Variants in MACROD2 observed in about 807,000 individuals in gnomAD.
The protein encoded by MACROD2 is ADP-ribose glycohydrolase MACROD2.
Under a neutral mutation model 70.4 loss-of-function variants are expected in MACROD2, and 36 were observed. The ratio of observed to expected loss-of-function variants is 0.51; its 90% confidence interval spans 0.39 to 0.68. The LOEUF (loss-of-function observed/expected upper bound fraction) is 0.68, where lower values mean the gene tolerates loss of function less well. MACROD2 is among the 30% of genes least tolerant of loss of function. The pLI, the probability that MACROD2 is intolerant of heterozygous loss-of-function variation, is 0.00. For synonymous variants in MACROD2, 172 were observed against 178.8 expected, an observed-to-expected ratio of 0.96 and a Z score of 0.30; for missense variants, 496 against 538.4, an observed-to-expected ratio of 0.92 and a Z score of 0.78.
intron 5 of MACROD2, among the ~76,000 whole-genome samples, chr20:15,200,821 T>A (rs1450505061): frequency 6.6e-6 from 1 of 152,230 alleles, no homozygotes; most frequent in Non-Finnish European, 1.5e-5. Context: ...CAGATTCTGA[T>A]TCAGTGGGCC....
rs191283226 is a variant in MACROD2 at position 14,348,382 on chromosome 20, C to G, written c.272-145097C>G. On this transcript the variant is annotated intron_variant, in intron 3 of 17. Coordinates refer to ENST00000684519, the MANE Select transcript of MACROD2 (RefSeq NM_001351661.2). ...ATTAAGGGTTCATGGTAATTTGTAT[C>G]AGAATGTACATGAAAGAAAATATCA... Among the ~76,000 whole-genome samples the G allele has an allele frequency of 6.6e-5, 10 of 151,966 alleles. No homozygotes were observed. In the East Asian group the frequency reaches 1.4e-3, roughly 21 times the overall value.
intron 5 of MACROD2, among the ~76,000 whole-genome samples, chr20:15,182,677 G>A (rs1329577432): frequency 1.3e-5 from 2 of 152,166 alleles, no homozygotes; most frequent in African/African-American, 4.8e-5. Flanking sequence ...GAGACTTCCT[G>A]ATTTGCCGTG....
intron 5 of MACROD2, among the ~76,000 whole-genome samples, chr20:15,097,039 T>G (rs367590919): frequency 1.5e-4 from 23 of 152,128 alleles, no homozygotes; most frequent in African/African-American, 5.1e-4. Context: ...CTCGAACTCC[T>G]GACCTCAGGT....
intron 2 of MACROD2, among the ~76,000 whole-genome samples, chr20:14,076,323 C>G (rs1275080416): frequency 6.6e-6 from 1 of 151,976 alleles, no homozygotes; most frequent in Non-Finnish European, 1.5e-5. Context: ...TCCAAAAACT[C>G]CCAGAAATGT....
intron 8 of MACROD2, among the ~76,000 whole-genome samples, chr20:15,667,352 G>A (rs2049913495): frequency 6.6e-6 from 1 of 152,138 alleles, no homozygotes; most frequent in African/African-American, 2.4e-5. Context: ...TGATGTCGCT[G>A]CTAGGCTTCC....
chr20:15,003,924 G>A (rs1307600473), intron 5 of MACROD2, among the ~76,000 whole-genome samples: 1 of 151,996 alleles, frequency 6.6e-6, no homozygotes, highest in Non-Finnish European at 1.5e-5. Flanking sequence ...TCTGACACCT[G>A]TGGTTCCATC....
chr20:15,071,663 A>G (rs994159610), intron 5 of MACROD2, among the ~76,000 whole-genome samples: 2 of 152,192 alleles, frequency 1.3e-5, no homozygotes, highest in African/African-American at 4.8e-5. Context: ...AAACAAGTCT[A>G]TGTTTTTAGA....
chr20:14,247,427 G>A (rs986002648), intron 3 of MACROD2, among the ~76,000 whole-genome samples: 8 of 152,156 alleles, frequency 5.3e-5, no homozygotes, highest in South Asian at 2.1e-4. Context: ...ATATGGCTAC[G>A]TAAGAATTAG....
intron 4 of MACROD2, chr20:14,636,581 C>T (rs1351375276): frequency 6.6e-6 from 1 of 152,162 alleles, no homozygotes. Context: ...GGAAATGATG[C>T]ACAGGGATTT....
intron 6 of MACROD2, among the ~76,000 whole-genome samples, chr20:15,384,630 A>C (rs920075978): frequency 1.3e-5 from 2 of 152,154 alleles, no homozygotes; most frequent in Non-Finnish European, 2.9e-5. Flanking sequence ...AGCTCCTACT[A>C]TATGCCGGGT....
chr20:15,035,738 G>C (rs76976758), intron 5 of MACROD2, among the ~76,000 whole-genome samples: 1,544 of 152,264 alleles, frequency 0.01, 26 homozygotes, highest in African/African-American at 0.035. Context: ...CGGACAACAG[G>C]ATCTTTAACT....
At chr20:15,452,304 C>G (rs1282717269) in intron 7 of MACROD2, among the ~76,000 whole-genome samples, 1 of 152,108 alleles carries the variant, frequency 6.6e-6, no homozygotes. Context: ...AAGTGTGTCA[C>G]AGCCTATAGC....
intron 2 of MACROD2, among the ~76,000 whole-genome samples, chr20:14,034,268 C>T (rs570942527): frequency 1.8e-4 from 27 of 152,356 alleles, no homozygotes; most frequent in Non-Finnish European, 4.0e-4. Context: ...GCCACCGCGT[C>T]CAGCCCCTAC....
At chr20:14,469,283 C>A (rs1033417827) in intron 3 of MACROD2, among the ~76,000 whole-genome samples, 2 of 152,180 alleles carry the variant, frequency 1.3e-5, no homozygotes, top group African/African-American at 4.8e-5. Context: ...TGTAGGGTTT[C>A]TGCAGAGAGA....
At chr20:15,091,373 A>T (rs976757854) in intron 5 of MACROD2, among the ~76,000 whole-genome samples, 15 of 152,174 alleles carry the variant, frequency 9.9e-5, no homozygotes, top group African/African-American at 3.6e-4. Context: ...ATGAAAAATA[A>T]AAGTTTTTAT....
chr20:14,564,736 G>A (rs1025864697), intron 4 of MACROD2, among the ~76,000 whole-genome samples: 14 of 151,944 alleles, frequency 9.2e-5, no homozygotes, highest in African/African-American at 1.9e-4. Flanking sequence ...ATACACTGTC[G>A]GTGGGAAGGT....
chr20:15,264,922 C>T (rs1176704198), intron 6 of MACROD2, among the ~76,000 whole-genome samples: 4 of 152,062 alleles, frequency 2.6e-5, no homozygotes, highest in African/African-American at 4.8e-5. Context: ...GTCAGAGAGA[C>T]CTTAGATCTG....
intron 5 of MACROD2, among the ~76,000 whole-genome samples, chr20:14,877,843 A>T (rs1383448910): frequency 6.6e-6 from 1 of 152,174 alleles, no homozygotes; most frequent in South Asian, 2.1e-4. Context: ...ATGGTGAATT[A>T]ACTTTTCTGT....
chr20:14,558,204 A>G (rs559098289), intron 4 of MACROD2, among the ~76,000 whole-genome samples: 1 of 151,924 alleles, frequency 6.6e-6, no homozygotes, highest in South Asian at 2.1e-4. Context: ...GTTGGGGGAA[A>G]TAGGGAGTGA....
Sources: allele counts gnomAD v4.1 joint callset (sites outside exome capture counted in the v4.1 genomes callset), GRCh38; gene constraint gnomAD v4.1.1; transcripts MANE v1.5; gene names NCBI Gene and HGNC (gene_info 2026-07-23, HGNC 2026-07-21).